The following KIAA0930 variants were observed in gnomAD, a reference collection of about 807,000 sequenced individuals.
KIAA0930 encodes the protein KIAA0930.
In KIAA0930, 24 loss-of-function variants were observed where a neutral mutation model predicts 43.9. The observed-to-expected ratio is 0.55, with a 90% CI of 0.40 to 0.77. The LOEUF (loss-of-function observed/expected upper bound fraction) is 0.77. Among genes scored for constraint, KIAA0930 ranks in the 30% least tolerant of loss-of-function variants. The pLI, the probability that KIAA0930 is intolerant of heterozygous loss-of-function variation, is 0.00. For missense variants in KIAA0930, 461 were observed against 574.2 expected, an observed-to-expected ratio of 0.80 and a Z score of 2.02; for synonymous variants, 259 against 216.4, an observed-to-expected ratio of 1.20 and a Z score of -1.73.
chr22:45,210,587 C>T (rs2083683735), intron 2 of KIAA0930, among the ~76,000 whole-genome samples: 1 of 152,148 alleles, frequency 6.6e-6, no homozygotes, highest in African/African-American at 2.4e-5. Context: ...TATGGTAAAC[C>T]AGGGAAAAAC....
chr22:45,223,346 C>T (rs1331337847), intron 1 of KIAA0930, among the ~76,000 whole-genome samples: 28 of 152,214 alleles, frequency 1.8e-4, no homozygotes, highest in Admixed American at 1.8e-3. Flanking sequence ...GACTCCAATG[C>T]TTGCTGGAGC....
chr22:45,217,351 A>C (rs1043244315), intron 1 of KIAA0930, among the ~76,000 whole-genome samples: 1 of 116,230 alleles, frequency 8.6e-6, no homozygotes, highest in African/African-American at 3.6e-5. Flanking sequence ...ACAGAGCAAG[A>C]CCCCGTCTCA....
chr22:45,205,721 C>CGGGTCAGCGTGCAGGGAG lies in KIAA0930; in HGVS notation c.337-32_337-15dup, dbSNP rs2083630975. The CGGGTCAGCGTGCAGGGAG allele has an allele frequency of 1.9e-6, 3 of 1,613,956 alleles. No individual in the cohort carries two copies. The highest frequency in any genetic ancestry group is 1.3e-5 in the African/African-American group (1 of 74,902). ...CATGTAGTCCAGCTGGAAGAGAGCA[C>CGGGTCAGCGTGCAGGGAG]GGGTCAGCGTGCAGGGAGGGGTCAG... On this transcript the variant is annotated splice_polypyrimidine_tract_variant and intron_variant, in intron 3 of 9. Coordinates refer to ENST00000336156, the MANE Select transcript of KIAA0930 (RefSeq NM_001009880.2).
chr22:45,236,377 C>T (rs1201431647), intron 1 of KIAA0930: 2 of 152,328 alleles, frequency 1.3e-5, no homozygotes, highest in African/African-American at 4.8e-5. Flanking sequence ...ATTACTCCAG[C>T]CTCGACTTAT....
intron 1 of KIAA0930, among the ~76,000 whole-genome samples, chr22:45,219,582 G>GTTTTTT (rs535482000): frequency 4.9e-5 from 3 of 61,214 alleles, no homozygotes; most frequent in African/African-American, 1.1e-4. Flanking sequence ...AGAGGTGATT[G>GTTTTTT]TTTTTTTTTT....
rs995134831 is a variant in KIAA0930, at chr22:45,193,926, C to A, written c.*3250G>T. The A allele has an allele frequency of 6.6e-6, 1 of 151,910 alleles. No individual in the cohort carries two copies. Among genetic ancestry groups the A allele is most frequent in the Non-Finnish European group, 1.5e-5 (1 of 68,004 alleles). The allele number at this position is 151,910 out of a possible 1,614,324, so 9.4% of individuals were successfully genotyped here. A position where few individuals can be genotyped will look rare whatever the true frequency, so the allele number is the denominator to read the frequency against. On this transcript the variant is annotated 3_prime_UTR_variant, in exon 10 of 10. Transcript: ENST00000336156. ...CCTTTAAATGGAAAAGCCCACCCTACAACTTTCTTTTTAATGTTCTAAAAA... is the reference window on the plus strand; with the variant it reads ...CCTTTAAATGGAAAAGCCCACCCTAAAACTTTCTTTTTAATGTTCTAAAAA...
intron 1 of KIAA0930, chr22:45,235,417 G>C (rs2083881593): frequency 6.6e-6 from 1 of 152,234 alleles, no homozygotes; most frequent in Admixed American, 6.5e-5. Flanking sequence ...AACGGGTAGA[G>C]GCCGGAACCC....
At chr22:45,220,932 C>T (rs938888536) in intron 1 of KIAA0930, among the ~76,000 whole-genome samples, 3 of 150,468 alleles carry the variant, frequency 2.0e-5, no homozygotes, top group South Asian at 2.1e-4. Context: ...TTGTGCTAAG[C>T]GTCCCCATCC....
intron 1 of KIAA0930, among the ~76,000 whole-genome samples, chr22:45,224,403 T>C (rs2083785858): frequency 6.6e-6 from 1 of 152,218 alleles, no homozygotes. Flanking sequence ...CAGGGCTGCC[T>C]GTGTGCCAGG....
In KIAA0930 at chr22:45,196,552, G is replaced by T. The variant is rs1055246832; in HGVS notation, c.*624C>A. ...CAAAAGGCCGTTCTGGCGGGATCGG[G>T]GCCGTCTGCTCAGCTGGAGGCCTTT... is the stretch of plus-strand genomic sequence containing the variant. On this transcript the variant is annotated 3_prime_UTR_variant, in exon 10 of 10. Coordinates refer to ENST00000336156, the MANE Select transcript of KIAA0930 (RefSeq NM_001009880.2). This position sits in a 1 kb window ranked among gnomAD's most constrained non-coding sequence, Gnocchi z 4.1. 7 of 152,840 alleles carry T rather than the reference G, an allele frequency of 4.6e-5. No individual in the cohort carries two copies. The highest frequency in any genetic ancestry group is 1.4e-4 in the African/African-American group (6 of 41,550). 9.5% of individuals were successfully genotyped at this position (152,840 alleles called of 1,614,324 possible). A position where few individuals can be genotyped will look rare whatever the true frequency, so the allele number is the denominator to read the frequency against.
chr22:45,212,541 T>C (rs2084624853), intron 1 of KIAA0930: 1 of 1,397,558 alleles, frequency 7.2e-7, no homozygotes. Flanking sequence ...CCACTCCCCC[T>C]GGCTGCGGCA....
chr22:45,219,582 G>GT (rs535482000), intron 1 of KIAA0930, among the ~76,000 whole-genome samples: 2,874 of 61,212 alleles, frequency 0.047, 431 homozygotes, highest in South Asian at 0.12. Flanking sequence ...AGAGGTGATT[G>GT]TTTTTTTTTT....
chr22:45,209,125 CCT>C (rs549579997), intron 2 of KIAA0930, among the ~76,000 whole-genome samples: 49 of 152,336 alleles, frequency 3.2e-4, no homozygotes, highest in African/African-American at 7.5e-4. Context: ...ATCCTGTCCC[CCT>C]GACACTGCAG....
rs564733550 is a variant in KIAA0930, at chr22:45,226,655, G to A, written c.64+13985C>T. On this transcript the variant is annotated intron_variant, in intron 1 of 9. Transcript: ENST00000336156. ...TGTTTTCTGTGAGATCATCCTCACA[G>A]GGGCCTTATCCAAGATCCTAACTCA... 2.6e-3 allele frequency: 586 copies of A among 225,650 alleles called. 3 individuals carry two copies. The highest frequency in any genetic ancestry group is 0.012 in the African/African-American group (538 of 44,610). 14.0% of individuals were successfully genotyped at this position (225,650 alleles called of 1,614,324 possible).
intron 1 of KIAA0930, among the ~76,000 whole-genome samples, chr22:45,227,073 G>A (rs73434195): frequency 0.02 from 3,094 of 152,316 alleles, 97 homozygotes; most frequent in African/African-American, 0.07. Flanking sequence ...CCTGAGCCAG[G>A]AGCCAGGCAC....
rs768396924 is a variant in KIAA0930 at position 45,194,457 on chromosome 22, A to G, written c.*2719T>C. On this transcript the variant is annotated 3_prime_UTR_variant, in exon 10 of 10. Transcript: ENST00000336156. ...AAGGTCTTAAAGGGGTTTTGGGATC[A>G]AGTGTCCTGTTGAGGAAAACTAGGT... 3.3e-5 allele frequency: 5 copies of G among 152,188 alleles called. No homozygotes were observed. Among genetic ancestry groups the G allele is most frequent in the Non-Finnish European group, 7.3e-5 (5 of 68,032 alleles). 9.4% of individuals were successfully genotyped at this position (152,188 alleles called of 1,614,324 possible). A position where few individuals can be genotyped will look rare whatever the true frequency, so the allele number is the denominator to read the frequency against.
intron 1 of KIAA0930, among the ~76,000 whole-genome samples, chr22:45,214,808 C>T (rs1442368129): frequency 6.6e-6 from 1 of 152,146 alleles, no homozygotes; most frequent in Non-Finnish European, 1.5e-5. Flanking sequence ...ACCAGGGAGG[C>T]TGAGGTGGGA....
At chr22:45,225,387 C>T (rs78204962) in intron 1 of KIAA0930, among the ~76,000 whole-genome samples, 3,086 of 152,280 alleles carry the variant, frequency 0.02, 103 homozygotes, top group African/African-American at 0.07. Context: ...CAAAGGGAAG[C>T]GTGGGGTCTC....
intron 1 of KIAA0930, among the ~76,000 whole-genome samples, chr22:45,237,362 GCC>G (rs2083893873): frequency 6.6e-6 from 1 of 152,018 alleles, no homozygotes; most frequent in African/African-American, 2.4e-5. Flanking sequence ...CAACACTCCC[GCC>G]CCCTCTCAGT....
Sources: allele counts gnomAD v4.1 joint callset (sites outside exome capture counted in the v4.1 genomes callset), GRCh38; gene constraint gnomAD v4.1.1; non-coding constraint Gnocchi (gnomAD v3.1); transcripts MANE v1.5; gene names NCBI Gene and HGNC (gene_info 2026-07-23, HGNC 2026-07-21).